The following NFAT5 variants were observed in gnomAD, a reference collection of about 807,000 sequenced individuals.
NFAT5 encodes the protein nuclear factor of activated T cells 5.
NFAT5 carries 31 observed loss-of-function variants against 166.5 expected under a neutral mutation model. The ratio of observed to expected loss-of-function variants is 0.19; its 90% CI spans 0.14 to 0.25. NFAT5 has a LOEUF of 0.25. NFAT5 is among the 10% of genes least tolerant of loss of function. The pLI, the probability that NFAT5 is intolerant of heterozygous loss-of-function variation, is 1.00. For missense variants in NFAT5, 1,449 were observed against 1,821.8 expected (o/e 0.80, Z 3.72); for synonymous variants, 612 against 639.7 (o/e 0.96, Z 0.65).
chr16:69,691,720 C>G, intron 12 of NFAT5, 29 bp from the exon 13 acceptor site: 4 of 1,542,058 alleles, frequency 2.6e-6, no homozygotes, highest in Non-Finnish European at 3.5e-6. Context: ...TTTATATATT[C>G]ATAATATTTG....
Position 69,568,475 on chromosome 16 carries a change from A to T in NFAT5, c.74-20A>T, listed in dbSNP as rs751735910. 1.2e-5 allele frequency: 20 copies of T among 1,609,394 alleles called. No homozygotes were observed. The highest frequency in any genetic ancestry group is 1.7e-5 in the Non-Finnish European group (20 of 1,177,472). On this transcript the variant is annotated intron_variant, in intron 1 of 14. Transcript: ENST00000349945. ...CCTCATTCAGCATAAAAAGTACCTA[A>T]TGCTTTTTGTGTTTTTCAGATTCTC...
chr16:69,574,417 T>C (rs1261616137), intron 2 of NFAT5, among the ~76,000 whole-genome samples: 1 of 152,160 alleles, frequency 6.6e-6, no homozygotes, highest in East Asian at 1.9e-4. Context: ...TCTGTTTGCT[T>C]TTGTGTTAAT....
chr16:69,648,447 G>A (rs1278883765), intron 4 of NFAT5: 11 of 983,794 alleles, frequency 1.1e-5, no homozygotes, highest in Non-Finnish European at 1.3e-5. Flanking sequence ...GTACAGAGTC[G>A]ATATTTTTTT....
intron 3 of NFAT5, among the ~76,000 whole-genome samples, chr16:69,637,780 A>G (rs1455220818): frequency 2.0e-5 from 3 of 152,248 alleles, no homozygotes; most frequent in Non-Finnish European, 4.4e-5. Flanking sequence ...GAACCTTTGT[A>G]TATAAAAGGA....
At chr16:69,576,708 A>G (rs2016778942) in intron 2 of NFAT5, among the ~76,000 whole-genome samples, 1 of 152,084 alleles carries the variant, frequency 6.6e-6, no homozygotes, top group Non-Finnish European at 1.5e-5. Context: ...CCTCTCTACC[A>G]AAATTAGCCA....
chr16:69,597,996 A>G (rs2032903107), intron 2 of NFAT5, among the ~76,000 whole-genome samples: 1 of 152,230 alleles, frequency 6.6e-6, no homozygotes, highest in Non-Finnish European at 1.5e-5. Flanking sequence ...AGCAAGGGAT[A>G]AAGTGGGTAT....
intron 2 of NFAT5, among the ~76,000 whole-genome samples, chr16:69,600,940 C>A (rs1221932608): frequency 6.6e-6 from 1 of 151,966 alleles, no homozygotes; most frequent in South Asian, 2.1e-4. Context: ...TGAATATGAT[C>A]AAAAAATAAT....
chr16:69,689,166 A>G (rs1480486237), intron 11 of NFAT5, among the ~76,000 whole-genome samples: 1 of 152,134 alleles, frequency 6.6e-6, no homozygotes, highest in Non-Finnish European at 1.5e-5. Flanking sequence ...AGTCCCAGCT[A>G]CTTATGGGGC....
In NFAT5 at chr16:69,647,416, G is replaced by A. The variant is rs1187292708; in HGVS notation, c.642G>A (p.Glu214=). 2 of 1,613,992 alleles carry A rather than the reference G, an allele frequency of 1.2e-6. No homozygotes were observed. Among genetic ancestry groups the A allele is most frequent in the Non-Finnish European group, 1.7e-6 (2 of 1,180,024 alleles). ...CCAGTTCCTACAATGATAACACTGA[G>A]GTACCTCGTAAATCACGAAAACGAA... ...MSTSSYNDNT[E]VPRKSRKRNP... is the part of the protein sequence containing the mutation. Residue 214 remains glutamate, a synonymous_variant, in exon 4 of 15, where the codon GAG becomes GAA. Transcript: ENST00000349945. This position sits in a 1 kb window ranked among gnomAD's most constrained non-coding sequence, Gnocchi z 4.8.
intron 2 of NFAT5, among the ~76,000 whole-genome samples, chr16:69,579,374 C>T (rs990240499): frequency 6.6e-6 from 1 of 151,992 alleles, no homozygotes; most frequent in East Asian, 1.9e-4. Context: ...ATATTGGGTA[C>T]AGGATGAGAA....
At chr16:69,691,187 A>T (rs1018878634) in intron 12 of NFAT5, 99 bp downstream of exon 12, 1 of 1,152,222 alleles carries the variant, frequency 8.7e-7, no homozygotes, top group Admixed American at 3.1e-5. Flanking sequence ...GATGCACTTA[A>T]TGAATTTTGC....
chr16:69,676,382 A>G (rs987304962), intron 9 of NFAT5, among the ~76,000 whole-genome samples: 5 of 152,212 alleles, frequency 3.3e-5, no homozygotes, highest in African/African-American at 1.2e-4. Flanking sequence ...TGAGATGTGG[A>G]TAAACTGAAC....
intron 4 of NFAT5, chr16:69,648,567 C>T: frequency 1.0e-6 from 1 of 984,796 alleles, no homozygotes; most frequent in Non-Finnish European, 1.2e-6. Flanking sequence ...TCACACTACC[C>T]ACTAATATAG....
At chr16:69,589,194 A>AT (rs2032307031) in intron 2 of NFAT5, among the ~76,000 whole-genome samples, 1 of 151,794 alleles carries the variant, frequency 6.6e-6, no homozygotes, top group Non-Finnish European at 1.5e-5. Context: ...GGGTTTCTCC[A>AT]TGTTGGTCAG....
Position 69,690,992 on chromosome 16 carries a change from C to A in NFAT5, c.1827C>A (p.Ala609=). The part of the protein sequence containing the change: ...NLDKVNIIPN[A]LMTPLIPSSM... ...ATAAGGTAAATATTATCCCTAATGCCCTGATGACTCCACTCATACCAAGCA... is the reference window on the plus strand; with the variant it reads ...ATAAGGTAAATATTATCCCTAATGCACTGATGACTCCACTCATACCAAGCA... The change falls in exon 12 of 15, where the codon GCC becomes GCA. Residue 609 remains alanine, a synonymous_variant. Coordinates refer to ENST00000349945, the MANE Select transcript of NFAT5 (RefSeq NM_138713.4). 1 of 1,607,702 alleles carries A rather than the reference C, an allele frequency of 6.2e-7. No homozygotes were observed. Among genetic ancestry groups the A allele is most frequent in the Non-Finnish European group, 8.5e-7 (1 of 1,177,058 alleles).
chr16:69,656,677 C>T (rs1228919276), intron 6 of NFAT5, among the ~76,000 whole-genome samples: 1 of 152,098 alleles, frequency 6.6e-6, no homozygotes, highest in Non-Finnish European at 1.5e-5. Flanking sequence ...GTCTCCAACT[C>T]CTGACCTCAG....
At chr16:69,685,066 A>G in intron 11 of NFAT5, 96 bp downstream of exon 11, 1 of 679,026 alleles carries the variant, frequency 1.5e-6, no homozygotes. Flanking sequence ...GGTACTTATA[A>G]TACTTTGCAG....
intron 2 of NFAT5, among the ~76,000 whole-genome samples, chr16:69,594,153 C>T (rs1448094312): frequency 1.3e-5 from 2 of 152,140 alleles, no homozygotes; most frequent in Admixed American, 1.3e-4. Flanking sequence ...CTGAGAAATG[C>T]GTCATTAGGT....
Position 69,679,737 on chromosome 16 carries a change from A to C in NFAT5, c.1690+2402A>C, listed in dbSNP as rs143145754. Among the ~76,000 whole-genome samples the C allele has an allele frequency of 2.6e-4, 40 of 152,350 alleles. 1 individual carries two copies. The East Asian group carries it at 7.7e-3, about 29-fold the overall frequency. ...GGCTTCAACAAAAATAGGAGAAAGA[A>C]GATTGGCTTATTCTCAAAGACCAAA... On this transcript the variant is annotated intron_variant, in intron 10 of 14. Transcript: ENST00000349945.
Sources: gnomAD v4.1 joint callset for allele counts (sites outside exome capture counted in the v4.1 genomes callset) on GRCh38, gnomAD v4.1.1 for gene constraint, Gnocchi (gnomAD v3.1) non-coding constraint, MANE v1.5 for transcripts, NCBI Gene and HGNC (gene_info 2026-07-23, HGNC 2026-07-21) for gene names.